MGAT5B: variants seen among roughly 807,000 people sequenced by gnomAD.
MGAT5B encodes alpha-1,6-mannosylglycoprotein 6-beta-N-acetylglucosaminyltransferase B.
A neutral mutation model predicts 95.1 loss-of-function variants in MGAT5B; 54 were observed. The observed-to-expected ratio is 0.57, with a 90% CI of 0.46 to 0.71. MGAT5B has a LOEUF of 0.71. MGAT5B is among the 30% of genes least tolerant of loss of function. The probability of loss-of-function intolerance (pLI) is 0.00; values close to 1 mark genes in which losing one functional copy is unlikely to be tolerated. For synonymous variants in MGAT5B, 464 were observed against 451.0 expected, an observed-to-expected ratio of 1.03 and a Z score of -0.36; for missense variants, 935 against 1,088.6, an observed-to-expected ratio of 0.86 and a Z score of 1.99.
At chr17:76,909,109 T>A (rs1056775467) in intron 8 of MGAT5B, among the ~76,000 whole-genome samples, 3 of 152,154 alleles carry the variant, frequency 2.0e-5, no homozygotes, top group Admixed American at 6.5e-5. Flanking sequence ...GCCCAGCCTC[T>A]GCTATATATA....
intron 17 of MGAT5B, among the ~76,000 whole-genome samples, chr17:76,948,305 C>T (rs987172817): frequency 3.3e-5 from 5 of 152,220 alleles, no homozygotes; most frequent in African/African-American, 2.4e-5. Flanking sequence ...CCAGGGAAAG[C>T]TCCTTCCATT....
At chr17:76,903,817 C>T (rs1196157758) in intron 5 of MGAT5B, among the ~76,000 whole-genome samples, 1 of 152,222 alleles carries the variant, frequency 6.6e-6, no homozygotes, top group Non-Finnish European at 1.5e-5. Flanking sequence ...GTGCCGCAGA[C>T]CCCTTCCTTG....
At chr17:76,901,742 G>GA in intron 3 of MGAT5B, among the ~76,000 whole-genome samples, 1 of 152,234 alleles carries the variant, frequency 6.6e-6, no homozygotes, top group Non-Finnish European at 1.5e-5. Flanking sequence ...TCTGCGGGTA[G>GA]AATTTATTTT....
chr17:76,940,525 C>A lies in MGAT5B; in HGVS notation c.1708C>A (p.Arg570=), dbSNP rs759896492. 1.9e-6 allele frequency: 3 copies of A among 1,612,736 alleles called. No individual in the cohort carries two copies. Among genetic ancestry groups the A allele is most frequent in the African/African-American group, 2.7e-5 (2 of 74,908 alleles). The change falls in exon 14 of 18, where the codon CGA becomes AGA. Residue 570 remains arginine (R), a synonymous_variant. Coordinates refer to ENST00000569840, the MANE Select transcript of MGAT5B (RefSeq NM_001199172.2). The surrounding 1 kb of genome is among the most constrained non-coding windows in gnomAD (Gnocchi z 4.3). The part of the protein sequence containing the change: ...PHSSLNHEFF[R]GKPTSREVFS... ...CAGCTCCCTCAACCACGAGTTCTTC[C>A]GAGGCAAGCCCACCTCCAGAGAGGT...
In MGAT5B at chr17:76,868,455, C is replaced by G. The variant is rs1459708656; in HGVS notation, c.-575C>G. 6.6e-6 allele frequency: 1 copy of G among 150,598 alleles called. No individual in the cohort carries two copies. Among genetic ancestry groups the G allele is most frequent in the African/African-American group, 2.4e-5 (1 of 41,258 alleles). 9.3% of individuals were successfully genotyped at this position (150,598 alleles called of 1,614,324 possible). ...TGCGGCGCCTCCGGGCGTAGCGTCG[C>G]GCGGGGCCGGACGCCGGACACCAGA... On this transcript the variant is annotated 5_prime_UTR_variant, in exon 1 of 18. Coordinates refer to ENST00000569840, the MANE Select transcript of MGAT5B (RefSeq NM_001199172.2). The surrounding 1 kb of genome is among the most constrained non-coding windows in gnomAD (Gnocchi z 6.3).
At chr17:76,881,226 C>T (rs656024) in intron 2 of MGAT5B, among the ~76,000 whole-genome samples, 55,366 of 152,104 alleles carry the variant, frequency 0.36, 12,565 homozygotes, top group African/African-American at 0.61. Context: ...CCGTGGAGGA[C>T]TGCAGGCTGG....
At chr17:76,901,947 C>A (rs1240512080) in intron 3 of MGAT5B, among the ~76,000 whole-genome samples, 1 of 152,262 alleles carries the variant, frequency 6.6e-6, no homozygotes, top group Non-Finnish European at 1.5e-5. Flanking sequence ...ATGCCTGACA[C>A]GTGCAGATAG....
intron 16 of MGAT5B, among the ~76,000 whole-genome samples, chr17:76,947,605 C>T (rs1348551627): frequency 6.6e-6 from 1 of 152,224 alleles, no homozygotes; most frequent in Non-Finnish European, 1.5e-5. Context: ...CCCCAAGGCC[C>T]TGGGCGGATG....
In MGAT5B at chr17:76,930,155, A is replaced by T. The variant is rs1969434865; in HGVS notation, c.1292-2490A>T. On this transcript the variant is annotated intron_variant, in intron 10 of 17. Coordinates refer to ENST00000569840, the MANE Select transcript of MGAT5B (RefSeq NM_001199172.2). The surrounding 1 kb of genome is among the most constrained non-coding windows in gnomAD (Gnocchi z 4.1). ...CTCCAGGCTTCCAGGGCTCCTCCTG[A>T]CCCTCCCAAAGCTCTAGAGGAGAGA... Among the ~76,000 whole-genome samples the T allele has an allele frequency of 6.6e-6, 1 of 151,906 alleles. No individual in the cohort carries two copies. The highest frequency in any genetic ancestry group is 1.5e-5 in the Non-Finnish European group (1 of 67,986).
intron 3 of MGAT5B, among the ~76,000 whole-genome samples, chr17:76,888,055 C>T (rs1341092722): frequency 2.6e-5 from 4 of 152,264 alleles, no homozygotes; most frequent in East Asian, 3.9e-4. Flanking sequence ...TTTGCTTCCC[C>T]GGGCAGGTGG....
At chr17:76,931,278 G>A (rs1969469140) in intron 10 of MGAT5B, among the ~76,000 whole-genome samples, 1 of 152,100 alleles carries the variant, frequency 6.6e-6, no homozygotes, top group Admixed American at 6.5e-5. Context: ...TGTATTTTTA[G>A]TAGAGATGGG....
chr17:76,944,530 G>A (rs1164093189), intron 15 of MGAT5B, among the ~76,000 whole-genome samples: 1 of 152,218 alleles, frequency 6.6e-6, no homozygotes, highest in Non-Finnish European at 1.5e-5. Context: ...GGCTGCCAGG[G>A]TCTTCTTGGG....
chr17:76,892,890 C>T (rs573102659), intron 3 of MGAT5B, among the ~76,000 whole-genome samples: 10 of 152,282 alleles, frequency 6.6e-5, no homozygotes, highest in South Asian at 2.1e-4. Context: ...CATGTCCCAC[C>T]GTCAATCACA....
At position 76,904,397 on chromosome 17, in the gene MGAT5B, C is replaced by T. The variant is rs376928919; in HGVS notation, c.665C>T (p.Ala222Val). ...PWRNQTAAQR[A>V]PKPLPKVQAV... ...AGGAACCAGACGGCTGCCCAGAGGG[C>T]ACCCAAGCCCCTCCCCAAAGTCCAG... The change falls in exon 6 of 18, where the codon GCA (alanine) becomes GTA (valine). Residue 222 changes from alanine (A) to valine (V), a missense_variant. Physicochemically the swap from Ala to Val is moderately conservative, Grantham distance 64. Transcript: ENST00000569840. 2 of 1,563,174 alleles carry T rather than the reference C, an allele frequency of 1.3e-6. No homozygotes were observed. Among genetic ancestry groups the T allele is most frequent in the Admixed American group, 1.9e-5 (1 of 52,094 alleles).
At chr17:76,948,363 C>T (rs1412826151) in intron 17 of MGAT5B, among the ~76,000 whole-genome samples, 2 of 152,218 alleles carry the variant, frequency 1.3e-5, no homozygotes, top group African/African-American at 4.8e-5. Flanking sequence ...CTGTGGGCAT[C>T]GTCCTGTCCC....
At position 76,914,699 on chromosome 17, in the gene MGAT5B, C is replaced by T. The variant is rs1054373156; in HGVS notation, c.1025+8512C>T. Reference sequence around the variant, plus strand: ...CTGTCCCCCAGCTGGAGCGCAGTGGCGCAGTCTCGGCTCACTGCATCCTCC... The same window carrying T: ...CTGTCCCCCAGCTGGAGCGCAGTGGTGCAGTCTCGGCTCACTGCATCCTCC... On this transcript the variant is annotated intron_variant, in intron 8 of 17. Transcript: ENST00000569840. The surrounding 1 kb of genome is among the most constrained non-coding windows in gnomAD (Gnocchi z 5.1). 3.6e-4 allele frequency among the ~76,000 whole-genome samples: 55 copies of T among 151,536 alleles called. No homozygotes were observed. Among genetic ancestry groups the T allele is most frequent in the Admixed American group, 3.3e-4 (5 of 15,240 alleles).
chr17:76,899,285 G>A (rs982699441), intron 3 of MGAT5B, among the ~76,000 whole-genome samples: 13 of 152,082 alleles, frequency 8.5e-5, no homozygotes, highest in African/African-American at 2.4e-4. Flanking sequence ...CTTAGAGCCC[G>A]GCTCGTCTCC....
Position 76,906,600 on chromosome 17 carries a change from G to T in MGAT5B, c.1025+413G>T, listed in dbSNP as rs1239005320. 1.3e-5 allele frequency among the ~76,000 whole-genome samples: 2 copies of T among 152,150 alleles called. No individual in the cohort carries two copies. The highest frequency in any genetic ancestry group is 2.9e-5 in the Non-Finnish European group (2 of 68,040). ...TAGGGTCTGGAGACCAGTAAGACAT[G>T]GAGGATGAAGGGGCGTGGTTGGGTG... On this transcript the variant is annotated intron_variant, in intron 8 of 17. Transcript: ENST00000569840. The surrounding 1 kb of genome is among the most constrained non-coding windows in gnomAD (Gnocchi z 4.6).
rs1291209499 is a variant in MGAT5B at position 76,930,352 on chromosome 17, A to G, written c.1292-2293A>G. Among the ~76,000 whole-genome samples, 3 of 152,190 alleles carry G rather than the reference A, an allele frequency of 2.0e-5. No homozygotes were observed. Among genetic ancestry groups the G allele is most frequent in the African/African-American group, 7.2e-5 (3 of 41,448 alleles). On this transcript the variant is annotated intron_variant, in intron 10 of 17. Coordinates refer to ENST00000569840, the MANE Select transcript of MGAT5B (RefSeq NM_001199172.2). The surrounding 1 kb of genome is among the most constrained non-coding windows in gnomAD (Gnocchi z 4.1). ...GTAGATTTACACATTTGATGAAAGC[A>G]TGCATCCCAATTGGAGAAACGTTAA...
Sources: allele counts gnomAD v4.1 joint callset (sites outside exome capture counted in the v4.1 genomes callset), GRCh38; gene constraint gnomAD v4.1.1; non-coding constraint Gnocchi (gnomAD v3.1); transcripts MANE v1.5; gene names NCBI Gene and HGNC (gene_info 2026-07-23, HGNC 2026-07-21).